The following NIPAL4 variants were observed in gnomAD, a reference collection of about 807,000 sequenced individuals.
NIPAL4 encodes magnesium transporter NIPA4.
Under a neutral mutation model 31.6 loss-of-function variants are expected in NIPAL4, and 21 were observed. The observed-to-expected ratio is 0.67, with a 90% CI of 0.47 to 0.96. NIPAL4 has a LOEUF of 0.96. Among genes scored for constraint, NIPAL4 ranks in the 40% least tolerant of loss-of-function variants. The probability of loss-of-function intolerance (pLI) is 0.00; values close to 1 mark genes in which losing one functional copy is unlikely to be tolerated. For synonymous variants in NIPAL4, 175 were observed against 211.1 expected, an observed-to-expected ratio of 0.83 and a Z score of 1.48; for missense variants, 438 against 508.0, an observed-to-expected ratio of 0.86 and a Z score of 1.32.
chr5:157,472,541 A>T lies in NIPAL4; in HGVS notation c.796A>T (p.Ile266Phe). The stretch of plus-strand genomic sequence containing the variant: ...AGTTGTCCGGCACCCGCTCCCCTAC[A>T]TCCTGTCCCTCATCCTGGCACTGTC... ...LPVVRHPLPY[I>F]LSLILALSLS... The change falls in exon 6 of 6, where the codon ATC becomes TTC. Residue 266 changes from isoleucine to phenylalanine, a missense_variant. Coordinates refer to ENST00000311946, the MANE Select transcript of NIPAL4 (RefSeq NM_001099287.2). 1 of 1,613,622 alleles carries T rather than the reference A, an allele frequency of 6.2e-7. No homozygotes were observed. The highest frequency in any genetic ancestry group is 8.5e-7 in the Non-Finnish European group (1 of 1,179,772).
At chr5:157,472,211 C>A (rs914220833) in intron 5 of NIPAL4, 121 bp from the exon 6 acceptor site, 1 of 930,640 alleles carries the variant, frequency 1.1e-6, no homozygotes, top group Non-Finnish European at 1.6e-6. Flanking sequence ...GACTGGAACC[C>A]GGGTTTGTCT....
intron 2 of NIPAL4, among the ~76,000 whole-genome samples, chr5:157,464,844 T>C (rs191423027): frequency 6.6e-6 from 1 of 152,324 alleles, no homozygotes; most frequent in East Asian, 1.9e-4. Flanking sequence ...GGTGATTCAA[T>C]TCTGGGCAAG....
chr5:157,462,361 T>C (rs527402833), intron 1 of NIPAL4, among the ~76,000 whole-genome samples: 2 of 152,174 alleles, frequency 1.3e-5, no homozygotes, highest in Non-Finnish European at 2.9e-5. Flanking sequence ...TATTTTAAAA[T>C]ACCTCTTAGG....
In NIPAL4 at chr5:157,473,287, C is replaced by G. The variant is rs1046445332; in HGVS notation, c.*327C>G. ...ATGGAGTCTGACCCACTGAATGTAGCACAGTCCAAGGACTTCTCTAAGATA... is the reference window on the plus strand; with the variant it reads ...ATGGAGTCTGACCCACTGAATGTAGGACAGTCCAAGGACTTCTCTAAGATA... On this transcript the variant is annotated 3_prime_UTR_variant, in exon 6 of 6. Coordinates refer to ENST00000311946, the MANE Select transcript of NIPAL4 (RefSeq NM_001099287.2). The G allele has an allele frequency of 7.9e-6, 2 of 254,630 alleles. No homozygotes were observed. Among genetic ancestry groups the G allele is most frequent in the African/African-American group, 2.2e-5 (1 of 45,108 alleles). 15.8% of individuals were successfully genotyped at this position (254,630 alleles called of 1,614,324 possible).
intron 2 of NIPAL4, among the ~76,000 whole-genome samples, chr5:157,463,740 G>T (rs879500398): frequency 2.0e-5 from 3 of 152,188 alleles, no homozygotes; most frequent in Non-Finnish European, 4.4e-5. Flanking sequence ...TCAGACGCTG[G>T]TGTGCCCTCA....
intron 1 of NIPAL4, among the ~76,000 whole-genome samples, chr5:157,461,671 C>T (rs1754113654): frequency 1.3e-5 from 2 of 152,234 alleles, no homozygotes; most frequent in Non-Finnish European, 2.9e-5. Context: ...CCTCTTGTCT[C>T]ATCTTCCCTT....
intron 3 of NIPAL4, chr5:157,467,447 T>C (rs367996204): frequency 3.7e-5 from 11 of 299,252 alleles, no homozygotes; most frequent in South Asian, 2.7e-4. Flanking sequence ...CTAGGCCAAC[T>C]TCCCCCAGTC....
intron 2 of NIPAL4, among the ~76,000 whole-genome samples, chr5:157,464,627 G>A (rs979715311): frequency 1.5e-4 from 23 of 152,210 alleles, no homozygotes; most frequent in Non-Finnish European, 2.9e-4. Context: ...GAGGGGCGGG[G>A]GAAGGAGTCA....
At chr5:157,464,707 A>G (rs1043291513) in intron 2 of NIPAL4, among the ~76,000 whole-genome samples, 1 of 152,154 alleles carries the variant, frequency 6.6e-6, no homozygotes, top group Non-Finnish European at 1.5e-5. Flanking sequence ...TGAAGAGTGT[A>G]GAAGGAGGGA....
At chr5:157,467,486 AG>A (rs149216255) in intron 3 of NIPAL4, 5,116 of 231,334 alleles carry the variant, frequency 0.022, 84 homozygotes, top group Non-Finnish European at 0.032. Context: ...TGGCCCACTT[AG>A]AACATAGCTG....
chr5:157,470,763 G>A (rs1228825488), intron 4 of NIPAL4, among the ~76,000 whole-genome samples: 1 of 152,182 alleles, frequency 6.6e-6, no homozygotes, highest in Non-Finnish European at 1.5e-5. Flanking sequence ...AATGATTAGA[G>A]CAAACCTACA....
At chr5:157,463,557 C>T (rs1256492710) in intron 2 of NIPAL4, among the ~76,000 whole-genome samples, 1 of 152,150 alleles carries the variant, frequency 6.6e-6, no homozygotes, top group East Asian at 1.9e-4. Flanking sequence ...CTTTAGAATC[C>T]AATCTTTCCT....
intron 2 of NIPAL4, among the ~76,000 whole-genome samples, chr5:157,466,812 G>A (rs1489072473): frequency 2.0e-5 from 3 of 152,204 alleles, no homozygotes; most frequent in Non-Finnish European, 4.4e-5. Flanking sequence ...GAGATGTGAA[G>A]TAAGCAGTTG....
intron 1 of NIPAL4, 107 bp downstream of exon 1, chr5:157,460,464 G>T: frequency 8.8e-7 from 1 of 1,137,112 alleles, no homozygotes; most frequent in African/African-American, 1.5e-5. Context: ...CCAAAGCTGG[G>T]GAGGGGCAGG....
In NIPAL4 at chr5:157,471,716, G is replaced by A. The variant is rs760843137; in HGVS notation, c.485G>A (p.Cys162Tyr). The A allele has an allele frequency of 3.1e-6, 5 of 1,607,840 alleles. No individual in the cohort carries two copies. Among genetic ancestry groups the A allele is most frequent in the Non-Finnish European group, 4.2e-6 (5 of 1,177,108 alleles). The change falls in exon 5 of 6, where the codon TGT (cysteine) becomes TAT (tyrosine). Residue 162 changes from cysteine (C) to tyrosine (Y), a missense_variant. Coordinates refer to ENST00000311946, the MANE Select transcript of NIPAL4 (RefSeq NM_001099287.2). ...CTGAACCTGCTGGGGAAGCTGGGCT[G>A]TGTGATCTGTGTGGCCGGAAGCACA... The part of the protein sequence containing the change: ...ESLNLLGKLG[C>Y]VICVAGSTVM...
intron 1 of NIPAL4, among the ~76,000 whole-genome samples, chr5:157,460,826 A>G (rs925465647): frequency 6.6e-6 from 1 of 152,094 alleles, no homozygotes; most frequent in Non-Finnish European, 1.5e-5. Context: ...CTGACTTCCT[A>G]TTGCGTTCTG....
intron 2 of NIPAL4, among the ~76,000 whole-genome samples, 200 bp from the exon 3 acceptor site, chr5:157,466,849 G>T (rs1265621822): frequency 1.3e-5 from 2 of 152,172 alleles, no homozygotes; most frequent in Non-Finnish European, 2.9e-5. Flanking sequence ...CAGAAGGAAG[G>T]TCCAGGCTAC....
chr5:157,460,263 G>A lies in NIPAL4; in HGVS notation c.-58G>A, dbSNP rs1258551553. On this transcript the variant is annotated 5_prime_UTR_variant, in exon 1 of 6. Coordinates refer to ENST00000311946, the MANE Select transcript of NIPAL4 (RefSeq NM_001099287.2). ...GGGACAAGTCGCGGCCACCTGCTCC[G>A]GAGCTGGGGAGCCCGGGCGCCGTCC... The A allele has an allele frequency of 6.5e-7, 1 of 1,541,062 alleles. No individual in the cohort carries two copies. Among genetic ancestry groups the A allele is most frequent in the South Asian group, 1.2e-5 (1 of 83,526 alleles).
chr5:157,460,558 TGAGAG>T lies in NIPAL4; in HGVS notation c.37+205_37+209del, dbSNP rs1561826337. On this transcript the variant is annotated intron_variant, in intron 1 of 5. Coordinates refer to ENST00000311946, the MANE Select transcript of NIPAL4 (RefSeq NM_001099287.2). ...CTTTCATCTTCGCAGCTGGGATGGCTGAGAGGAGTCAGGGAAGGAAAGTATGTCCC... is the reference window on the plus strand; with the variant it reads ...CTTTCATCTTCGCAGCTGGGATGGCTGAGTCAGGGAAGGAAAGTATGTCCC... The T allele has an allele frequency of 7.2e-6, 5 of 698,072 alleles. No homozygotes were observed. In the Admixed American group the frequency reaches 1.0e-4, roughly 14 times the overall value. The allele number at this position is 698,072 out of a possible 1,614,324, so 43.2% of individuals were successfully genotyped here. A position where few individuals can be genotyped will look rare whatever the true frequency, so the allele number is the denominator to read the frequency against.
Sources: allele counts gnomAD v4.1 joint callset (sites outside exome capture counted in the v4.1 genomes callset), GRCh38; gene constraint gnomAD v4.1.1; transcripts MANE v1.5; gene names NCBI Gene and HGNC (gene_info 2026-07-23, HGNC 2026-07-21).